The following NDE1 variants were observed in gnomAD, a reference collection of about 807,000 sequenced individuals.
NDE1 encodes the protein nuclear distribution protein nudE homolog 1.
A neutral mutation model predicts 43.4 loss-of-function variants in NDE1; 28 were observed. The observed-to-expected ratio is 0.65, with a 90% CI of 0.48 to 0.89. The LOEUF is 0.89. Among genes scored for constraint, NDE1 ranks in the 40% least tolerant of loss-of-function variants. The pLI, the probability that NDE1 is intolerant of heterozygous loss-of-function variation, is 0.00. For missense variants in NDE1, 441 were observed against 434.1 expected (o/e 1.02, Z -0.14); for synonymous variants, 184 against 172.0 (o/e 1.07, Z -0.55).
rs771990666 is a variant in NDE1, at chr16:15,720,285, C to T, written c.948-3906C>T. On this transcript the variant is annotated intron_variant, in intron 8 of 8. Transcript: ENST00000396354. ...GCCAGGGCACGTTGCTTTCGCTCGTCTTCCAGTTCCGTCTCATACTCGTGA... is the reference window on the plus strand; with the variant it reads ...GCCAGGGCACGTTGCTTTCGCTCGTTTTCCAGTTCCGTCTCATACTCGTGA... 5.0e-6 allele frequency: 8 copies of T among 1,614,092 alleles called. No individual in the cohort carries two copies. Among genetic ancestry groups the T allele is most frequent in the Middle Eastern group, 1.6e-4 (1 of 6,062 alleles).
chr16:15,662,522 A>G (rs765892589), intron 1 of NDE1, among the ~76,000 whole-genome samples: 26 of 147,170 alleles, frequency 1.8e-4, no homozygotes, highest in Non-Finnish European at 3.3e-4. Context: ...TGACCTCATG[A>G]TCCGCCTGCC....
chr16:15,721,753 T>TACCTCAATGGGA (rs1321036318), intron 8 of NDE1: 1 of 1,039,680 alleles, frequency 9.6e-7, no homozygotes, highest in African/African-American at 1.6e-5. Context: ...GTGTAAGCAG[T>TACCTCAATGGGA]GTAGGTTAGC....
At chr16:15,670,502 A>G (rs1427434935) in intron 3 of NDE1, among the ~76,000 whole-genome samples, 3 of 151,980 alleles carry the variant, frequency 2.0e-5, no homozygotes, top group Admixed American at 6.6e-5. Context: ...TACTAAAACT[A>G]CAAAATTAGC....
rs541006746 is a variant in NDE1, at chr16:15,685,357, C to T, written c.387-2018C>T. 2.0e-5 allele frequency among the ~76,000 whole-genome samples: 3 copies of T among 152,174 alleles called. No individual in the cohort carries two copies. In the South Asian group the frequency reaches 6.2e-4, roughly 32 times the overall value. On this transcript the variant is annotated intron_variant, in intron 4 of 8. Transcript: ENST00000396354. Reference sequence around the variant, plus strand: ...GTACCCTTGAATTCCTGGGCTCAAGCAGTCCTCCTACCTCAGCCTCCGAGT... The same window carrying T: ...GTACCCTTGAATTCCTGGGCTCAAGTAGTCCTCCTACCTCAGCCTCCGAGT...
intron 8 of NDE1, chr16:15,703,099 T>C: frequency 5.6e-6 from 1 of 179,092 alleles, no homozygotes; most frequent in East Asian, 9.3e-5. Flanking sequence ...CTCCTTTTCC[T>C]CTATAGAAAA....
intron 3 of NDE1, among the ~76,000 whole-genome samples, chr16:15,675,334 G>C (rs1465795245): frequency 1.3e-5 from 2 of 151,972 alleles, no homozygotes; most frequent in East Asian, 3.9e-4. Context: ...AAGTAGCTGG[G>C]ATTATAGACG....
At chr16:15,706,905 A>G (rs895839464) in intron 8 of NDE1, among the ~76,000 whole-genome samples, 1 of 152,176 alleles carries the variant, frequency 6.6e-6, no homozygotes, top group Non-Finnish European at 1.5e-5. Flanking sequence ...TCAGCCTGCA[A>G]GATACTCTGT....
At chr16:15,689,938 CA>C (rs34081814) in intron 5 of NDE1, among the ~76,000 whole-genome samples, 56,853 of 95,100 alleles carry the variant, frequency 0.6, 13,488 homozygotes, top group Middle Eastern at 0.67. Context: ...AACTCCATCT[CA>C]AAAAAAAAAA....
intron 1 of NDE1, among the ~76,000 whole-genome samples, chr16:15,653,734 T>C (rs887007566): frequency 2.1e-5 from 3 of 145,802 alleles, no homozygotes; most frequent in Non-Finnish European, 4.5e-5. Context: ...GTGGAAACAA[T>C]TTTTTTTTTT....
chr16:15,700,977 G>A (rs532624399), intron 8 of NDE1, among the ~76,000 whole-genome samples: 3 of 152,166 alleles, frequency 2.0e-5, no homozygotes, highest in South Asian at 2.1e-4. Context: ...GGCTCAGGCC[G>A]GTAATCCTAA....
intron 8 of NDE1, chr16:15,708,666 T>C (rs1446735870): frequency 1.0e-5 from 9 of 893,904 alleles, no homozygotes; most frequent in East Asian, 5.3e-5. Context: ...CACAAAGATA[T>C]CCAAGCCTCC....
rs763999371 is a variant in NDE1, at chr16:15,663,812, AT to A, written c.-43-923del. On this transcript the variant is annotated intron_variant, in intron 1 of 8. Coordinates refer to ENST00000396354, the MANE Select transcript of NDE1 (RefSeq NM_017668.3). Reference sequence around the variant, plus strand: ...TTGGGTGCGGTGGTTCACGCCTGTAATACCAGCACTTTGGGAGGCTGAGGTG... The same window carrying A: ...TTGGGTGCGGTGGTTCACGCCTGTAAACCAGCACTTTGGGAGGCTGAGGTG... Among the ~76,000 whole-genome samples, 976 of 152,128 alleles carry A rather than the reference AT, an allele frequency of 6.4e-3. 22 individuals are homozygous for A. The East Asian group carries it at 0.07, about 11-fold the overall frequency.
At chr16:15,658,201 C>T (rs1045397914) in intron 1 of NDE1, among the ~76,000 whole-genome samples, 2 of 152,200 alleles carry the variant, frequency 1.3e-5, no homozygotes, top group Non-Finnish European at 2.9e-5. Context: ...AGGCTTACCT[C>T]CAGCTTCAGG....
At chr16:15,692,091 AC>A (rs1400073332) in intron 6 of NDE1, among the ~76,000 whole-genome samples, 1 of 151,782 alleles carries the variant, frequency 6.6e-6, no homozygotes, top group Non-Finnish European at 1.5e-5. Context: ...CTCAGTTCTC[AC>A]CCCAGCCCCT....
At chr16:15,723,621 G>A (rs1374971189) in intron 8 of NDE1, among the ~76,000 whole-genome samples, 1 of 152,176 alleles carries the variant, frequency 6.6e-6, no homozygotes. Flanking sequence ...ACTCCAGCCT[G>A]GGTGACAGAG....
chr16:15,657,103 T>G (rs545335192), intron 1 of NDE1, among the ~76,000 whole-genome samples: 7 of 143,582 alleles, frequency 4.9e-5, no homozygotes, highest in East Asian at 2.0e-4. Context: ...TCTTTTTTTG[T>G]TTTTTTTTTT....
At chr16:15,675,261 C>T (rs2037808508) in intron 3 of NDE1, among the ~76,000 whole-genome samples, 1 of 151,620 alleles carries the variant, frequency 6.6e-6, no homozygotes, top group African/African-American at 2.4e-5. Context: ...TGCAATGGCA[C>T]GATCTGGGCT....
chr16:15,665,878 T>C (rs560730396), intron 2 of NDE1, among the ~76,000 whole-genome samples: 3 of 151,922 alleles, frequency 2.0e-5, no homozygotes, highest in South Asian at 4.2e-4. Flanking sequence ...TGCCTCAGCC[T>C]CCCGAGTAGC....
intron 8 of NDE1, among the ~76,000 whole-genome samples, chr16:15,722,588 G>A (rs925998403): frequency 6.6e-6 from 1 of 152,120 alleles, no homozygotes; most frequent in African/African-American, 2.4e-5. Context: ...ACCAGATAAC[G>A]AAGCATTGAA....
Sources: gnomAD v4.1 joint callset for allele counts (sites outside exome capture counted in the v4.1 genomes callset) on GRCh38, gnomAD v4.1.1 for gene constraint, MANE v1.5 for transcripts, NCBI Gene and HGNC (gene_info 2026-07-23, HGNC 2026-07-21) for gene names.